The following STIM2 variants were observed in gnomAD, a reference collection of about 807,000 sequenced individuals.
The protein encoded by STIM2 is stromal interaction molecule 2.
Under a neutral mutation model 85.8 loss-of-function variants are expected in STIM2, and 31 were observed. The observed-to-expected ratio is 0.36, with a 90% CI of 0.27 to 0.49. STIM2 has a LOEUF of 0.49. Among genes scored for constraint, STIM2 ranks in the 20% least tolerant of loss-of-function variants. The pLI is 0.98. For missense variants in STIM2, 841 were observed against 927.6 expected, an observed-to-expected ratio of 0.91 and a Z score of 1.21; for synonymous variants, 356 against 331.1, an observed-to-expected ratio of 1.08 and a Z score of -0.82.
intron 4 of STIM2, 98 bp downstream of exon 4, chr4:26,995,588 A>G: frequency 1.8e-6 from 1 of 546,004 alleles, no homozygotes; most frequent in Non-Finnish European, 3.1e-6. Context: ...TCCGTGGCTG[A>G]GGGCACAAAG....
chr4:26,970,759 G>T (rs1387331234), intron 3 of STIM2, among the ~76,000 whole-genome samples: 1 of 152,180 alleles, frequency 6.6e-6, no homozygotes, highest in Admixed American at 6.5e-5. Context: ...TATATACCCA[G>T]TAATGGGATG....
At chr4:26,882,628 A>G (rs1437880095) in intron 1 of STIM2, among the ~76,000 whole-genome samples, 1 of 150,892 alleles carries the variant, frequency 6.6e-6, no homozygotes, top group Non-Finnish European at 1.5e-5. Context: ...TACCCAGCTA[A>G]TTTTTGTATT....
chr4:26,988,831 A>G (rs189125688), intron 3 of STIM2, among the ~76,000 whole-genome samples: 1 of 152,318 alleles, frequency 6.6e-6, no homozygotes, highest in African/African-American at 2.4e-5. Flanking sequence ...TTTCCCTCTC[A>G]GTATTCTGTA....
chr4:26,917,374 C>T (rs935251875), intron 1 of STIM2, among the ~76,000 whole-genome samples: 3 of 151,980 alleles, frequency 2.0e-5, no homozygotes, highest in African/African-American at 7.3e-5. Flanking sequence ...TTTTGTTCAC[C>T]ATGGTATTTC....
chr4:26,861,683 G>C (rs1055352393), intron 1 of STIM2: 1 of 250,150 alleles, frequency 4.0e-6, no homozygotes, highest in East Asian at 7.7e-5. Flanking sequence ...GGGTCTGCAG[G>C]GGACTGGGCT....
chr4:26,921,614 A>G (rs1442940447), intron 2 of STIM2, among the ~76,000 whole-genome samples: 1 of 152,238 alleles, frequency 6.6e-6, no homozygotes, highest in Non-Finnish European at 1.5e-5. Context: ...CCTGCTGTAA[A>G]TTAAGCTCCT....
chr4:26,927,697 A>C (rs1389951792), intron 2 of STIM2, among the ~76,000 whole-genome samples: 1 of 128,700 alleles, frequency 7.8e-6, no homozygotes, highest in East Asian at 2.0e-4. Flanking sequence ...AAAAAAAAAA[A>C]AAAAAAAAAA....
intron 2 of STIM2, among the ~76,000 whole-genome samples, chr4:26,938,819 T>C (rs572897699): frequency 3.3e-5 from 5 of 152,344 alleles, no homozygotes; most frequent in African/African-American, 1.2e-4. Flanking sequence ...GTTATTTAAG[T>C]TACATAGTGT....
chr4:26,942,484 C>T (rs1370844351), intron 2 of STIM2, among the ~76,000 whole-genome samples: 1 of 152,076 alleles, frequency 6.6e-6, no homozygotes, highest in Non-Finnish European at 1.5e-5. Context: ...CTCAAAAGGA[C>T]TTCTGTACTG....
At chr4:26,939,136 C>G (rs1454707928) in intron 2 of STIM2, among the ~76,000 whole-genome samples, 2 of 152,116 alleles carry the variant, frequency 1.3e-5, no homozygotes, top group Non-Finnish European at 2.9e-5. Flanking sequence ...AGTAAATTAG[C>G]ACTCTAGGGG....
At chr4:26,998,415 C>T (rs1462801309) in intron 4 of STIM2, among the ~76,000 whole-genome samples, 1 of 152,076 alleles carries the variant, frequency 6.6e-6, no homozygotes, top group Non-Finnish European at 1.5e-5. Context: ...CTTCAATGTA[C>T]TTTGTTCAAT....
chr4:26,901,287 T>C (rs756506131), intron 1 of STIM2, among the ~76,000 whole-genome samples: 27 of 152,210 alleles, frequency 1.8e-4, no homozygotes, highest in Non-Finnish European at 2.6e-4. Flanking sequence ...ATGCTAAATT[T>C]GTCAAGTGTT....
At chr4:27,007,757 G>A in intron 8 of STIM2, 57 bp downstream of exon 8, 1 of 1,456,904 alleles carries the variant, frequency 6.9e-7, no homozygotes, top group Non-Finnish European at 9.1e-7. Context: ...CATTCTTAGA[G>A]GGATTACTCA....
At chr4:26,915,605 G>C in intron 1 of STIM2, among the ~76,000 whole-genome samples, 1 of 152,144 alleles carries the variant, frequency 6.6e-6, no homozygotes, top group Admixed American at 6.5e-5. Flanking sequence ...GAACCATACT[G>C]AGCATTTGGC....
intron 4 of STIM2, among the ~76,000 whole-genome samples, chr4:26,996,880 A>C (rs1403553159): frequency 2.0e-5 from 3 of 152,122 alleles, no homozygotes; most frequent in Admixed American, 6.5e-5. Context: ...AAATAGGCTA[A>C]TCTGAGTTTT....
intron 2 of STIM2, among the ~76,000 whole-genome samples, chr4:26,953,450 A>G (rs1451830470): frequency 1.3e-5 from 2 of 152,134 alleles, no homozygotes; most frequent in African/African-American, 2.4e-5. Context: ...AATGGGGCTA[A>G]TGAGCACTTA....
chr4:26,955,376 G>A (rs73116683), intron 2 of STIM2, among the ~76,000 whole-genome samples: 40,803 of 147,220 alleles, frequency 0.28, 8,392 homozygotes, highest in East Asian at 0.42. Flanking sequence ...TATATATTAC[G>A]TAAATGAAAC....
In STIM2 at chr4:26,861,001, A is replaced by T; in HGVS notation, c.-218A>T. On this transcript the variant is annotated 5_prime_UTR_variant, in exon 1 of 12. The change abolishes an upstream ATG in the 5' untranslated region. Transcript: ENST00000467087. ...AGAGCTCCGGAGGCCGCCGGTGCCG[A>T]TGGGACCAGGCTGGCGCCCGGCGGG... is the stretch of plus-strand genomic sequence containing the variant. The T allele has an allele frequency of 7.8e-7, 1 of 1,278,070 alleles. No homozygotes were observed. The highest frequency in any genetic ancestry group is 1.0e-6 in the Non-Finnish European group (1 of 1,004,038). The allele number at this position is 1,278,070 out of a possible 1,614,324, so 79.2% of individuals were successfully genotyped here.
rs1460348618 is a variant in STIM2 at position 27,022,702 on chromosome 4, T to C, written c.1947T>C (p.Gly649=). The change falls in exon 12 of 12, where the codon GGT becomes GGC. Residue 649 remains glycine, a synonymous_variant. Coordinates refer to ENST00000467087, the MANE Select transcript of STIM2 (RefSeq NM_020860.4). ...CTGTAACTGTGGATGTGTCTTGGGGTTCTCCCGACTGTGTAGGTCTGACAG... is the reference window on the plus strand; with the variant it reads ...CTGTAACTGTGGATGTGTCTTGGGGCTCTCCCGACTGTGTAGGTCTGACAG... The C allele has an allele frequency of 2.5e-6, 4 of 1,614,192 alleles. No individual in the cohort carries two copies. Among genetic ancestry groups the C allele is most frequent in the Non-Finnish European group, 3.4e-6 (4 of 1,180,032 alleles).
Sources: gnomAD v4.1 joint callset for allele counts (sites outside exome capture counted in the v4.1 genomes callset) on GRCh38, gnomAD v4.1.1 for gene constraint, MANE v1.5 for transcripts, NCBI Gene and HGNC (gene_info 2026-07-23, HGNC 2026-07-21) for gene names.